The following MAST4 variants were observed in gnomAD, a reference collection of about 807,000 sequenced individuals.
The protein encoded by MAST4 is microtubule associated serine/threonine kinase family member 4, also known as microtubule-associated serine/threonine-protein kinase 4.
MAST4 carries 89 observed loss-of-function variants against 162.7 expected under a neutral mutation model. The ratio of observed to expected loss-of-function variants is 0.55; its 90% CI spans 0.46 to 0.65. The LOEUF is 0.65. Among genes scored for constraint, MAST4 ranks in the 30% least tolerant of loss-of-function variants. MAST4 has a pLI of 0.00. For synonymous variants in MAST4, 1,479 were observed against 1,361.1 expected (o/e 1.09, Z -1.91); for missense variants, 3,153 against 3,374.0 (o/e 0.93, Z 1.62).
chr5:66,895,389 T>G (rs1179411336), intron 3 of MAST4, among the ~76,000 whole-genome samples: 1 of 152,194 alleles, frequency 6.6e-6, no homozygotes, highest in Non-Finnish European at 1.5e-5. Context: ...TTAGTGTTAA[T>G]GACTCCAAAA....
At chr5:67,160,932 C>T (rs1561191958) in intron 27 of MAST4, among the ~76,000 whole-genome samples, 3 of 152,184 alleles carry the variant, frequency 2.0e-5, no homozygotes, top group African/African-American at 7.2e-5. Context: ...ATTAAATCTA[C>T]ATTTAAAATG....
intron 3 of MAST4, among the ~76,000 whole-genome samples, chr5:66,812,379 T>C (rs1036319583): frequency 5.9e-5 from 9 of 152,212 alleles, no homozygotes; most frequent in African/African-American, 2.2e-4. Flanking sequence ...ATCCCATCGC[T>C]AACACAAAAC....
At chr5:66,827,205 C>T (rs1480930749) in intron 3 of MAST4, among the ~76,000 whole-genome samples, 3 of 152,138 alleles carry the variant, frequency 2.0e-5, no homozygotes, top group Non-Finnish European at 2.9e-5. Context: ...TGCTAGAATT[C>T]GTTGATACAC....
chr5:66,860,855 C>T (rs1760062988), intron 3 of MAST4, among the ~76,000 whole-genome samples: 1 of 151,868 alleles, frequency 6.6e-6, no homozygotes, highest in Non-Finnish European at 1.5e-5. Context: ...CACTAGGCGC[C>T]TGGGACAATC....
At chr5:66,731,066 G>A (rs7737860) in intron 1 of MAST4, among the ~76,000 whole-genome samples, 33,606 of 152,000 alleles carry the variant, frequency 0.22, 4,286 homozygotes, top group East Asian at 0.35. Flanking sequence ...TATAAAATAA[G>A]CATTATCCCA....
chr5:66,597,464 G>C (rs1742265685), intron 1 of MAST4, among the ~76,000 whole-genome samples: 1 of 152,136 alleles, frequency 6.6e-6, no homozygotes, highest in South Asian at 2.1e-4. Flanking sequence ...GAGTAGGGTG[G>C]GGGGCAGCGG....
At chr5:66,662,848 GTT>G (rs5868459) in intron 1 of MAST4, 85,133 of 151,712 alleles carry the variant, frequency 0.56, 24,039 homozygotes, top group South Asian at 0.68. Flanking sequence ...ATAATTTTTT[GTT>G]TTGTTTTGTT....
intron 3 of MAST4, among the ~76,000 whole-genome samples, chr5:66,898,961 G>A (rs1356258462): frequency 6.6e-6 from 1 of 152,156 alleles, no homozygotes; most frequent in Admixed American, 6.5e-5. Flanking sequence ...ATAAGAGACA[G>A]GAAAGGTGAG....
chr5:66,627,257 C>T (rs886436167), intron 1 of MAST4, among the ~76,000 whole-genome samples: 50 of 152,206 alleles, frequency 3.3e-4, no homozygotes, highest in East Asian at 2.7e-3. Context: ...CTCACTATCA[C>T]GAGAAAGGCA....
chr5:66,726,697 G>A (rs996179467), intron 1 of MAST4, among the ~76,000 whole-genome samples: 30 of 152,100 alleles, frequency 2.0e-4, no homozygotes, highest in African/African-American at 7.0e-4. Flanking sequence ...ACAGCAGGAG[G>A]TAAGCGACGA....
At chr5:67,127,668 G>A (rs1190562173) in intron 14 of MAST4, among the ~76,000 whole-genome samples, 3 of 151,998 alleles carry the variant, frequency 2.0e-5, no homozygotes, top group Non-Finnish European at 2.9e-5. Flanking sequence ...TATTTTCTGT[G>A]CTCCTTTATA....
chr5:66,800,794 CA>C (rs1438902912), intron 3 of MAST4, among the ~76,000 whole-genome samples: 2 of 152,136 alleles, frequency 1.3e-5, no homozygotes, highest in Non-Finnish European at 2.9e-5. Flanking sequence ...GAAGATTACA[CA>C]AAAGATAAGG....
intron 22 of MAST4, 38 bp downstream of exon 22, chr5:67,144,834 T>A: frequency 6.4e-7 from 1 of 1,557,884 alleles, no homozygotes; most frequent in South Asian, 1.2e-5. Flanking sequence ...AAGCAGTAGC[T>A]ACTAGAGCAG....
chr5:67,038,089 T>G (rs1333251278), intron 4 of MAST4, among the ~76,000 whole-genome samples: 1 of 152,166 alleles, frequency 6.6e-6, no homozygotes, highest in Non-Finnish European at 1.5e-5. Flanking sequence ...GTTAAATATC[T>G]TCTCTTTCCA....
At chr5:66,841,192 T>G (rs1223217578) in intron 3 of MAST4, among the ~76,000 whole-genome samples, 1 of 152,140 alleles carries the variant, frequency 6.6e-6, no homozygotes, top group Non-Finnish European at 1.5e-5. Flanking sequence ...CCTAATAAGT[T>G]GTGGCTGCTG....
chr5:66,879,357 CACACAT>C (rs756623210), intron 3 of MAST4, among the ~76,000 whole-genome samples: 3 of 40,290 alleles, frequency 7.4e-5, no homozygotes, highest in Admixed American at 2.2e-4. Context: ...CACACACACA[CACACAT>C]ATATATATAT....
intron 5 of MAST4, among the ~76,000 whole-genome samples, chr5:67,071,692 G>A (rs940335062): frequency 1.4e-4 from 22 of 152,138 alleles, no homozygotes; most frequent in African/African-American, 4.6e-4. Flanking sequence ...CACGGGAGGC[G>A]AAGGTTACAG....
intron 1 of MAST4, among the ~76,000 whole-genome samples, chr5:66,609,391 A>ATT: frequency 1.3e-5 from 1 of 78,840 alleles, no homozygotes. Context: ...CCAATGCACT[A>ATT]CTTTTTTTTT....
chr5:66,870,390 G>A (rs925607030), intron 3 of MAST4, among the ~76,000 whole-genome samples: 3 of 152,116 alleles, frequency 2.0e-5, no homozygotes, highest in Admixed American at 1.3e-4. Context: ...AGAAGACTCC[G>A]CAGTGCTTTC....
Sources: gnomAD v4.1 joint callset for allele counts (sites outside exome capture counted in the v4.1 genomes callset) on GRCh38, gnomAD v4.1.1 for gene constraint, MANE v1.5 for transcripts, NCBI Gene and HGNC (gene_info 2026-07-23, HGNC 2026-07-21) for gene names.